The following NRXN3 variants were observed in gnomAD, a reference collection of about 807,000 sequenced individuals.
NRXN3 encodes neurexin III.
A neutral mutation model predicts 137.6 loss-of-function variants in NRXN3; 32 were observed. The ratio of observed to expected loss-of-function variants is 0.23; its 90% CI spans 0.18 to 0.31. NRXN3 has a LOEUF of 0.31. Among genes scored for constraint, NRXN3 ranks in the 10% least tolerant of loss-of-function variants. The probability of loss-of-function intolerance (pLI) is 1.00; values close to 1 mark genes in which losing one functional copy is unlikely to be tolerated. For synonymous variants in NRXN3, 798 were observed against 784.5 expected (o/e 1.02, Z -0.29); for missense variants, 1,574 against 2,062.5 (o/e 0.76, Z 4.59).
chr14:79,044,486 T>A (rs2099629887), intron 15 of NRXN3, among the ~76,000 whole-genome samples: 3 of 152,158 alleles, frequency 2.0e-5, no homozygotes, highest in Admixed American at 2.0e-4. Flanking sequence ...TTTTCATAGG[T>A]TTTGATGATG....
chr14:78,515,706 A>T (rs570423904), intron 4 of NRXN3, among the ~76,000 whole-genome samples: 1 of 152,198 alleles, frequency 6.6e-6, no homozygotes, highest in African/African-American at 2.4e-5. Flanking sequence ...TGGGGCCGAG[A>T]TGACGAGTTT....
At chr14:78,441,062 G>C (rs1014046394) in intron 4 of NRXN3, among the ~76,000 whole-genome samples, 1 of 152,054 alleles carries the variant, frequency 6.6e-6, no homozygotes, top group Non-Finnish European at 1.5e-5. Context: ...ACCTCTCTGT[G>C]AATTGCTTGC....
At position 79,273,588 on chromosome 14, in the gene NRXN3, C is replaced by A. The variant is rs577039045; in HGVS notation, c.3263-193633C>A. 7.2e-5 allele frequency among the ~76,000 whole-genome samples: 11 copies of A among 152,208 alleles called. 1 individual carries two copies. The South Asian group carries it at 2.1e-3, about 29-fold the overall frequency. ...GGCGCAGCTTGCAGTGAGCCAAGATCGCGCCACTGCACTCCAGCCTGGGTG... is the reference window on the plus strand; with the variant it reads ...GGCGCAGCTTGCAGTGAGCCAAGATAGCGCCACTGCACTCCAGCCTGGGTG... On this transcript the variant is annotated intron_variant, in intron 15 of 20. Transcript: ENST00000335750.
chr14:78,738,518 C>T (rs2098550817), intron 8 of NRXN3, among the ~76,000 whole-genome samples: 2 of 152,136 alleles, frequency 1.3e-5, no homozygotes, highest in Admixed American at 1.3e-4. Flanking sequence ...TGTGTTGCTG[C>T]CCATCACTTC....
chr14:78,969,027 A>G (rs112946483), intron 14 of NRXN3, among the ~76,000 whole-genome samples: 3,173 of 152,298 alleles, frequency 0.021, 68 homozygotes, highest in Middle Eastern at 0.037. Context: ...TATCTTTCTT[A>G]CCTATAAAAC....
chr14:78,910,003 C>T (rs960986533), intron 10 of NRXN3, among the ~76,000 whole-genome samples: 11 of 152,076 alleles, frequency 7.2e-5, no homozygotes, highest in Admixed American at 6.6e-4. Context: ...CTTCTCTTTA[C>T]GTATTGCTAA....
chr14:78,517,612 G>A (rs1487886115), intron 4 of NRXN3, among the ~76,000 whole-genome samples: 1 of 152,150 alleles, frequency 6.6e-6, no homozygotes, highest in East Asian at 1.9e-4. Context: ...TCAGCTGCCA[G>A]ACAGGCTGCT....
Position 78,243,414 on chromosome 14 carries a change from C to G in NRXN3, c.321C>G (p.Ser107Arg). The G allele has an allele frequency of 6.4e-7, 1 of 1,567,438 alleles. No individual in the cohort carries two copies. Among genetic ancestry groups the G allele is most frequent in the Non-Finnish European group, 8.6e-7 (1 of 1,164,128 alleles). The stretch of plus-strand genomic sequence containing the variant: ...TGTCCAACAAGCAGGTGAATGACAG[C>G]AGCTGGCACTTCCTCATGGTGAGCC... ...AVLSNKQVND[S>R]SWHFLMVSRD... The change falls in exon 2 of 21, where the codon AGC (serine) becomes AGG (arginine). Residue 107 changes from serine (S) to arginine (R), a missense_variant. Ser to Arg is a moderately radical substitution (Grantham distance 110, BLOSUM62 -1). Around this residue, in one of 5 missense-constraint regions of NRXN3, gnomAD observed 400 missense variants for 527.3 expected, o/e 0.76. Coordinates refer to ENST00000335750, the MANE Select transcript of NRXN3 (RefSeq NM_001330195.2). This position sits in a 1 kb window ranked among gnomAD's most constrained non-coding sequence, Gnocchi z 4.2.
At chr14:78,863,334 G>A (rs578143762) in intron 10 of NRXN3, among the ~76,000 whole-genome samples, 81 of 152,246 alleles carry the variant, frequency 5.3e-4, no homozygotes, top group African/African-American at 1.6e-3. Context: ...TTCAGCCCCC[G>A]TATGGAGCTA....
intron 20 of NRXN3, among the ~76,000 whole-genome samples, chr14:79,844,595 T>A (rs868496612): frequency 6.6e-6 from 1 of 152,116 alleles, no homozygotes; most frequent in Non-Finnish European, 1.5e-5. Flanking sequence ...TGAACAGTAC[T>A]ATTTTGAAAG....
intron 4 of NRXN3, among the ~76,000 whole-genome samples, chr14:78,314,963 CTT>C (rs1491134838): frequency 1.3e-5 from 1 of 79,582 alleles, no homozygotes; most frequent in Non-Finnish European, 2.4e-5. Context: ...TCCTTCCTTC[CTT>C]CCTTCCTTCC....
intron 10 of NRXN3, among the ~76,000 whole-genome samples, chr14:78,866,794 C>CT (rs1208179961): frequency 0.04 from 4,717 of 119,036 alleles, 295 homozygotes; most frequent in African/African-American, 0.11. Context: ...TTACCTTCAT[C>CT]TTTTTTTTTT....
chr14:79,852,235 A>ACG (rs1491136834), intron 20 of NRXN3, among the ~76,000 whole-genome samples: 163 of 4,946 alleles, frequency 0.033, no homozygotes, highest in Non-Finnish European at 0.073. Flanking sequence ...TCAACTCCCA[A>ACG]CACACACACA....
intron 4 of NRXN3, among the ~76,000 whole-genome samples, chr14:78,317,382 T>A (rs2153554437): frequency 6.6e-6 from 1 of 152,256 alleles, no homozygotes; most frequent in South Asian, 2.1e-4. Context: ...AGTGGCAACA[T>A]TAGATTCTCA....
At chr14:78,417,910 C>A (rs1280164310) in intron 4 of NRXN3, among the ~76,000 whole-genome samples, 1 of 152,194 alleles carries the variant, frequency 6.6e-6, no homozygotes, top group Admixed American at 6.5e-5. Flanking sequence ...GTGCATGCCA[C>A]CACGCCCAGC....
intron 15 of NRXN3, among the ~76,000 whole-genome samples, chr14:79,222,233 A>T (rs956378829): frequency 6.6e-6 from 1 of 152,068 alleles, no homozygotes; most frequent in African/African-American, 2.4e-5. Flanking sequence ...TCTTGGCTAT[A>T]CGGGCTCTTT....
At chr14:79,272,457 T>G (rs1263629796) in intron 15 of NRXN3, among the ~76,000 whole-genome samples, 1 of 152,180 alleles carries the variant, frequency 6.6e-6, no homozygotes, top group African/African-American at 2.4e-5. Context: ...TGTTGAATAA[T>G]AATGAAATAC....
chr14:78,211,240 C>T (rs994998315), intron 1 of NRXN3, among the ~76,000 whole-genome samples: 4 of 152,220 alleles, frequency 2.6e-5, no homozygotes, highest in Non-Finnish European at 5.9e-5. Context: ...TCTGATTTCA[C>T]TCTTTGTCCT....
At chr14:79,104,277 G>A (rs1484478951) in intron 15 of NRXN3, among the ~76,000 whole-genome samples, 1 of 152,168 alleles carries the variant, frequency 6.6e-6, no homozygotes, top group African/African-American at 2.4e-5. Context: ...CACTCTACAT[G>A]GCAAAAGTGG....
Sources: gnomAD v4.1 joint callset for allele counts (sites outside exome capture counted in the v4.1 genomes callset) on GRCh38, gnomAD v4.1.1 for gene constraint, gnomAD v4.1.1 regional missense constraint, Gnocchi (gnomAD v3.1) non-coding constraint, MANE v1.5 for transcripts, NCBI Gene and HGNC (gene_info 2026-07-23, HGNC 2026-07-21) for gene names.